Variants in SERTAD2 observed in about 807,000 individuals in gnomAD.
The protein encoded by SERTAD2 is SERTA domain-containing protein 2.
A neutral mutation model predicts 15.4 loss-of-function variants in SERTAD2; 2 were observed. The observed-to-expected ratio is 0.13, with a 90% CI of 0.05 to 0.41. SERTAD2 has a LOEUF of 0.41. Ranked by LOEUF, SERTAD2 falls within the 10% of genes least tolerant of loss-of-function variation. SERTAD2 has a pLI of 0.99. For synonymous variants in SERTAD2, 180 were observed against 178.0 expected, an observed-to-expected ratio of 1.01 and a Z score of -0.09; for missense variants, 333 against 409.7, an observed-to-expected ratio of 0.81 and a Z score of 1.62.
At chr2:64,645,394 A>AG (rs1364975805) in intron 1 of SERTAD2, among the ~76,000 whole-genome samples, 56 of 151,836 alleles carry the variant, frequency 3.7e-4, no homozygotes, top group Non-Finnish European at 6.9e-4. Flanking sequence ...AAGAAGAAGA[A>AG]AAAAAAAGCC....
At chr2:64,640,597 C>T (rs1674753813) in intron 1 of SERTAD2, among the ~76,000 whole-genome samples, 1 of 151,954 alleles carries the variant, frequency 6.6e-6, no homozygotes, top group South Asian at 2.1e-4. Context: ...GTAGCAGGAG[C>T]TAAGGACGTG....
chr2:64,643,665 G>A (rs1040168379), intron 1 of SERTAD2, among the ~76,000 whole-genome samples: 1 of 152,158 alleles, frequency 6.6e-6, no homozygotes, highest in African/African-American at 2.4e-5. Flanking sequence ...TCAGGAGATC[G>A]AGACCACCCT....
intron 1 of SERTAD2, among the ~76,000 whole-genome samples, chr2:64,639,700 C>G (rs921773238): frequency 6.6e-6 from 1 of 152,268 alleles, no homozygotes; most frequent in East Asian, 1.9e-4. Context: ...ACTGAATCTA[C>G]AGAATTCACC....
chr2:64,638,105 C>T (rs1353790035), intron 1 of SERTAD2, among the ~76,000 whole-genome samples: 1 of 152,218 alleles, frequency 6.6e-6, no homozygotes, highest in African/African-American at 2.4e-5. Context: ...TCACCGTCCC[C>T]GCCTCCAGCT....
intron 1 of SERTAD2, among the ~76,000 whole-genome samples, chr2:64,638,113 G>A (rs1342137923): frequency 6.6e-6 from 1 of 152,172 alleles, no homozygotes; most frequent in East Asian, 1.9e-4. Flanking sequence ...CCCGCCTCCA[G>A]CTACAGCACT....
At chr2:64,649,759 G>A (rs2104353157) in intron 1 of SERTAD2, among the ~76,000 whole-genome samples, 1 of 152,292 alleles carries the variant, frequency 6.6e-6, no homozygotes, top group Middle Eastern at 3.4e-3. Flanking sequence ...AGTCAGACCT[G>A]CTATAGCAGT....
In SERTAD2 at chr2:64,633,922, G is replaced by A. The variant is rs143862477; in HGVS notation, c.*2005C>T. On this transcript the variant is annotated 3_prime_UTR_variant, in exon 2 of 2. Transcript: ENST00000313349. Reference sequence around the variant, plus strand: ...TCATACTCAAATCTTTTGCTTAGATGAGCAGTTCCTTCATCACAAACGTCT... The same window carrying A: ...TCATACTCAAATCTTTTGCTTAGATAAGCAGTTCCTTCATCACAAACGTCT... 67 of 152,752 alleles carry A rather than the reference G, an allele frequency of 4.4e-4. No homozygotes were observed. The highest frequency in any genetic ancestry group is 1.5e-3 in the African/African-American group (63 of 41,574). The allele number at this position is 152,752 out of a possible 1,614,324, so 9.5% of individuals were successfully genotyped here. A position where few individuals can be genotyped will look rare whatever the true frequency, so the allele number is the denominator to read the frequency against.
chr2:64,650,208 T>C (rs998927970), intron 1 of SERTAD2, among the ~76,000 whole-genome samples: 7 of 152,184 alleles, frequency 4.6e-5, no homozygotes, highest in African/African-American at 1.7e-4. Context: ...TGTCTATATG[T>C]GGTGCTTGTT....
chr2:64,648,818 A>G (rs767276734), intron 1 of SERTAD2, among the ~76,000 whole-genome samples: 6 of 152,154 alleles, frequency 3.9e-5, no homozygotes, highest in Non-Finnish European at 5.9e-5. Flanking sequence ...ATTTTATTTT[A>G]TATTTCTGGA....
chr2:64,639,051 T>C (rs995878928), intron 1 of SERTAD2, among the ~76,000 whole-genome samples: 20 of 152,270 alleles, frequency 1.3e-4, no homozygotes, highest in Non-Finnish European at 2.5e-4. Context: ...TAAATACTTA[T>C]AGAAAAATTT....
chr2:64,635,897 G>A lies in SERTAD2; in HGVS notation c.*30C>T, dbSNP rs770100651. The A allele has an allele frequency of 1.1e-5, 17 of 1,531,770 alleles. No homozygotes were observed. The highest frequency in any genetic ancestry group is 1.5e-5 in the Non-Finnish European group (17 of 1,108,400). 94.9% of individuals were successfully genotyped at this position (1,531,770 alleles called of 1,614,324 possible). The stretch of plus-strand genomic sequence containing the variant: ...GGGTTATGGGAACGCTCTGGGGTCT[G>A]GGTGGGCATAGTCGCTGGGTCCCTG... On this transcript the variant is annotated 3_prime_UTR_variant, in exon 2 of 2. Transcript: ENST00000313349.
chr2:64,636,244 C>T lies in SERTAD2; in HGVS notation c.628G>A (p.Gly210Ser), dbSNP rs752779310. The T allele has an allele frequency of 6.8e-6, 11 of 1,614,182 alleles. No individual in the cohort carries two copies. The highest frequency in any genetic ancestry group is 5.0e-5 in the Admixed American group (3 of 60,030). ...SSEAGTQKLDGPQESRADDSK... is the reference protein window; with the variant it reads ...SSEAGTQKLDSPQESRADDSK... ...TCATCTGCGCGGCTCTCTTGAGGAC[C>T]GTCGAGTTTCTGGGTGCCAGCCTCG... is the stretch of plus-strand genomic sequence containing the variant. Residue 210 changes from glycine to serine, a missense_variant, in exon 2 of 2, where the codon GGT becomes AGT. Physicochemically the swap from Gly to Ser is moderately conservative, Grantham distance 56. Around this residue, in one of 2 missense-constraint regions of SERTAD2, gnomAD observed 332 missense variants for 392.9 expected, o/e 0.84. Transcript: ENST00000313349.
intron 1 of SERTAD2, among the ~76,000 whole-genome samples, chr2:64,637,163 T>C (rs1324559188): frequency 6.6e-6 from 1 of 152,230 alleles, no homozygotes; most frequent in African/African-American, 2.4e-5. Context: ...AGAATTACCA[T>C]GGAAACCATG....
At chr2:64,651,666 C>T (rs1205201074) in intron 1 of SERTAD2, among the ~76,000 whole-genome samples, 1 of 152,204 alleles carries the variant, frequency 6.6e-6, no homozygotes, top group Non-Finnish European at 1.5e-5. Flanking sequence ...AGGGACAATT[C>T]AGCAAACAGA....
At chr2:64,646,372 C>T (rs972019225) in intron 1 of SERTAD2, 1 of 151,926 alleles carries the variant, frequency 6.6e-6, no homozygotes, top group Non-Finnish European at 1.5e-5. Flanking sequence ...CTCACACCCC[C>T]AGTGAAAACT....
chr2:64,651,767 A>G (rs1009180470), intron 1 of SERTAD2, among the ~76,000 whole-genome samples: 11 of 152,226 alleles, frequency 7.2e-5, no homozygotes, highest in African/African-American at 2.4e-4. Flanking sequence ...AGACGCTGTG[A>G]CATTCGCCTG....
At chr2:64,648,780 G>C in intron 1 of SERTAD2, among the ~76,000 whole-genome samples, 1 of 152,074 alleles carries the variant, frequency 6.6e-6, no homozygotes, top group Non-Finnish European at 1.5e-5. Context: ...ACTTGTCAGA[G>C]AGCTAAGAAT....
intron 1 of SERTAD2, among the ~76,000 whole-genome samples, chr2:64,651,415 T>C (rs1019704484): frequency 2.0e-5 from 3 of 152,346 alleles, no homozygotes; most frequent in South Asian, 4.1e-4. Context: ...TTTTGTAATG[T>C]TTTTTGTGTG....
intron 1 of SERTAD2, among the ~76,000 whole-genome samples, chr2:64,638,520 T>C (rs757866794): frequency 6.6e-6 from 1 of 152,236 alleles, no homozygotes; most frequent in Non-Finnish European, 1.5e-5. Context: ...CAGGTAGACA[T>C]GGAGCCTGCC....
Sources: allele counts gnomAD v4.1 joint callset (sites outside exome capture counted in the v4.1 genomes callset), GRCh38; gene constraint gnomAD v4.1.1; regional missense constraint gnomAD v4.1.1; transcripts MANE v1.5; gene names NCBI Gene and HGNC (gene_info 2026-07-23, HGNC 2026-07-21).